The following ADAMTSL1 variants were observed in gnomAD, a reference collection of about 807,000 sequenced individuals.
ADAMTSL1 encodes the protein ADAMTS like 1.
ADAMTSL1 carries 126 observed loss-of-function variants against 201.8 expected under a neutral mutation model. That is an observed-to-expected ratio of 0.62 (90% confidence interval 0.54 to 0.72). ADAMTSL1 has a LOEUF of 0.72. Ranked by LOEUF, ADAMTSL1 falls within the 30% of genes least tolerant of loss-of-function variation. The pLI is 0.00. For missense variants in ADAMTSL1, 2,679 were observed against 2,277.8 expected, an observed-to-expected ratio of 1.18 and a Z score of -3.59; for synonymous variants, 1,121 against 903.4, an observed-to-expected ratio of 1.24 and a Z score of -4.32.
At chr9:18,541,041 A>G (rs1820102294) in intron 3 of ADAMTSL1, among the ~76,000 whole-genome samples, 1 of 152,182 alleles carries the variant, frequency 6.6e-6, no homozygotes, top group African/African-American at 2.4e-5. Flanking sequence ...CTCATACTAT[A>G]TAACCTCCCC....
At chr9:17,944,603 G>C (rs1221831520) in intron 1 of ADAMTSL1, among the ~76,000 whole-genome samples, 17 of 139,764 alleles carry the variant, frequency 1.2e-4, no homozygotes, top group South Asian at 2.5e-4. Flanking sequence ...CATGGTACTG[G>C]TACCAAAACA....
chr9:18,468,331 G>T (rs927513858), intron 2 of ADAMTSL1, among the ~76,000 whole-genome samples: 1 of 152,112 alleles, frequency 6.6e-6, no homozygotes, highest in African/African-American at 2.4e-5. Flanking sequence ...TTTGTGTTTT[G>T]TTTTGTTTTG....
At chr9:17,922,669 T>A (rs1826350838) in intron 1 of ADAMTSL1, among the ~76,000 whole-genome samples, 1 of 152,118 alleles carries the variant, frequency 6.6e-6, no homozygotes, top group Non-Finnish European at 1.5e-5. Flanking sequence ...AGTTGACTTG[T>A]CCCAGTTTGT....
intron 1 of ADAMTSL1, among the ~76,000 whole-genome samples, chr9:18,043,503 T>G (rs1220931630): frequency 6.6e-6 from 1 of 152,066 alleles, no homozygotes; most frequent in Non-Finnish European, 1.5e-5. Context: ...GTTATTGCAG[T>G]TCATTGAAAA....
chr9:18,348,700 C>T (rs138626658), intron 2 of ADAMTSL1, among the ~76,000 whole-genome samples: 282 of 152,238 alleles, frequency 1.9e-3, no homozygotes, highest in African/African-American at 6.1e-3. Flanking sequence ...CCTGGGACCA[C>T]GTGGCCCGTA....
intron 1 of ADAMTSL1, among the ~76,000 whole-genome samples, chr9:17,990,787 C>T (rs2026764): frequency 0.1 from 15,660 of 151,980 alleles, 1,093 homozygotes; most frequent in African/African-American, 0.2. Context: ...ACATGTTACC[C>T]AGTGACTGAT....
chr9:18,251,718 G>A (rs1052234844), intron 2 of ADAMTSL1, among the ~76,000 whole-genome samples: 1 of 152,140 alleles, frequency 6.6e-6, no homozygotes, highest in Non-Finnish European at 1.5e-5. Context: ...GTTATCAGTT[G>A]TTTCTATAAC....
intron 20 of ADAMTSL1, among the ~76,000 whole-genome samples, chr9:18,800,341 T>C (rs968572082): frequency 4.7e-4 from 59 of 124,230 alleles, no homozygotes; most frequent in African/African-American, 1.8e-3. Context: ...CATGCCACTG[T>C]ACTCCAGCCT....
At chr9:18,228,576 T>C (rs1351552062) in intron 2 of ADAMTSL1, among the ~76,000 whole-genome samples, 1 of 152,078 alleles carries the variant, frequency 6.6e-6, no homozygotes, top group Non-Finnish European at 1.5e-5. Flanking sequence ...TGCACCACAA[T>C]GTCCAGCTAA....
At chr9:18,713,465 C>G (rs1169587767) in intron 14 of ADAMTSL1, among the ~76,000 whole-genome samples, 2 of 152,212 alleles carry the variant, frequency 1.3e-5, no homozygotes, top group South Asian at 4.2e-4. Flanking sequence ...TCTGATAAAA[C>G]AGACTTTAAA....
At chr9:17,931,885 C>G (rs1826807440) in intron 1 of ADAMTSL1, among the ~76,000 whole-genome samples, 3 of 152,110 alleles carry the variant, frequency 2.0e-5, no homozygotes, top group African/African-American at 7.2e-5. Context: ...ATCCTTACAG[C>G]AGTGCTGATT....
At chr9:18,174,106 T>G (rs1226467873) in intron 2 of ADAMTSL1, among the ~76,000 whole-genome samples, 1 of 152,188 alleles carries the variant, frequency 6.6e-6, no homozygotes, top group African/African-American at 2.4e-5. Context: ...AGACTTATAT[T>G]ATACCTCAGA....
At chr9:18,159,774 C>G (rs1827306804) in intron 1 of ADAMTSL1, among the ~76,000 whole-genome samples, 1 of 152,056 alleles carries the variant, frequency 6.6e-6, no homozygotes, top group South Asian at 2.1e-4. Flanking sequence ...TCAGGTCAGT[C>G]AAGAGAATGG....
chr9:18,275,739 A>G (rs80151383), intron 2 of ADAMTSL1, among the ~76,000 whole-genome samples: 2,297 of 152,254 alleles, frequency 0.015, 67 homozygotes, highest in African/African-American at 0.053. Flanking sequence ...GATGTACCAG[A>G]ATTTGTTAAT....
chr9:17,974,673 T>C (rs1818366846), intron 1 of ADAMTSL1, among the ~76,000 whole-genome samples: 1 of 152,054 alleles, frequency 6.6e-6, no homozygotes, highest in East Asian at 1.9e-4. Flanking sequence ...GATTCATCCA[T>C]GTTGTTTTAA....
At position 18,282,700 on chromosome 9, in the gene ADAMTSL1, C is replaced by T. The variant is rs137873466; in HGVS notation, c.207+118719C>T. On this transcript the variant is annotated intron_variant, in intron 2 of 29. Transcript: ENST00000680146. ...ATCACCTGAGGTCCAGAATTCAACACCAGCCTGACCAACATGGAGAAACCC... is the reference window on the plus strand; with the variant it reads ...ATCACCTGAGGTCCAGAATTCAACATCAGCCTGACCAACATGGAGAAACCC... Among the ~76,000 whole-genome samples, 13 of 152,254 alleles carry T rather than the reference C, an allele frequency of 8.5e-5. No individual in the cohort carries two copies. In the East Asian group the frequency reaches 1.9e-3, roughly 23 times the overall value.
intron 26 of ADAMTSL1, among the ~76,000 whole-genome samples, chr9:18,893,598 T>A (rs945233902): frequency 1.3e-4 from 20 of 152,328 alleles, no homozygotes; most frequent in African/African-American, 4.8e-4. Flanking sequence ...TCTGGTAACA[T>A]CAGTGCTGCT....
chr9:18,896,504 G>A lies in ADAMTSL1; in HGVS notation c.4851+3908G>A, dbSNP rs531036628. On this transcript the variant is annotated intron_variant, in intron 26 of 28. Coordinates refer to ENST00000380548, the MANE Select transcript of ADAMTSL1 (RefSeq NM_001040272.6). Reference sequence around the variant, plus strand: ...TCACAGAGAGGAATGAAAATGGGGAGTCAATTTGGCACCTTCATCTGAAAT... The same window carrying A: ...TCACAGAGAGGAATGAAAATGGGGAATCAATTTGGCACCTTCATCTGAAAT... 3.3e-5 allele frequency among the ~76,000 whole-genome samples: 5 copies of A among 152,282 alleles called. 1 individual carries two copies. Among genetic ancestry groups the A allele is most frequent in the African/African-American group, 9.6e-5 (4 of 41,566 alleles).
At chr9:18,824,241 C>T (rs1194230422) in intron 21 of ADAMTSL1, among the ~76,000 whole-genome samples, 1 of 151,906 alleles carries the variant, frequency 6.6e-6, no homozygotes, top group Non-Finnish European at 1.5e-5. Flanking sequence ...CTGGCATGGA[C>T]AGGCATCATG....
Sources: allele counts gnomAD v4.1 joint callset (sites outside exome capture counted in the v4.1 genomes callset), GRCh38; gene constraint gnomAD v4.1.1; transcripts MANE v1.5; gene names NCBI Gene and HGNC (gene_info 2026-07-23, HGNC 2026-07-21).